The following GRK5 variants were observed in gnomAD, a reference collection of about 807,000 sequenced individuals.
GRK5 encodes the protein G protein-coupled receptor kinase 5.
Under a neutral mutation model 78.4 loss-of-function variants are expected in GRK5, and 40 were observed. That is an observed-to-expected ratio of 0.51 (90% confidence interval 0.40 to 0.66). The LOEUF (loss-of-function observed/expected upper bound fraction) is 0.66, where lower values mean the gene tolerates loss of function less well. Among genes scored for constraint, GRK5 ranks in the 30% least tolerant of loss-of-function variants. The probability of loss-of-function intolerance (pLI) is 0.00; values close to 1 mark genes in which losing one functional copy is unlikely to be tolerated. For missense variants in GRK5, 598 were observed against 759.9 expected (o/e 0.79, Z 2.50); for synonymous variants, 289 against 296.8 (o/e 0.97, Z 0.27).
chr10:119,409,108 GC>G (rs1314174681), intron 4 of GRK5, among the ~76,000 whole-genome samples: 4 of 152,308 alleles, frequency 2.6e-5, no homozygotes, highest in African/African-American at 9.6e-5. Context: ...GCCCTCCGGG[GC>G]CCAGCCCAGC....
chr10:119,452,518 C>G lies in GRK5; in HGVS notation c.1405-153C>G, dbSNP rs1853308425. The G allele has an allele frequency of 1.1e-6, 1 of 873,560 alleles. No homozygotes were observed. The highest frequency in any genetic ancestry group is 1.7e-6 in the Non-Finnish European group (1 of 581,210). The allele number at this position is 873,560 out of a possible 1,614,324, so 54.1% of individuals were successfully genotyped here. A position where few individuals can be genotyped will look rare whatever the true frequency, so the allele number is the denominator to read the frequency against. On this transcript the variant is annotated intron_variant, in intron 13 of 15. Transcript: ENST00000392870. This position sits in a 1 kb window ranked among gnomAD's most constrained non-coding sequence, Gnocchi z 4.4. ...ACCCCTCCCCTGGACTCACCTGCATCTGAGCCACACACCCTCCAGCCACTA... is the reference window on the plus strand; with the variant it reads ...ACCCCTCCCCTGGACTCACCTGCATGTGAGCCACACACCCTCCAGCCACTA...
chr10:119,335,129 C>CCTCTCCCTCTCTCTCT (rs1850852579), intron 2 of GRK5: 1 of 9,872 alleles, frequency 1.0e-4, no homozygotes, highest in African/African-American at 4.3e-4. Flanking sequence ...GCCTGCCTTG[C>CCTCTCCCTCTCTCTCT]CTCTCTCTCT....
At chr10:119,345,120 A>G (rs1177505328) in intron 2 of GRK5, among the ~76,000 whole-genome samples, 1 of 151,726 alleles carries the variant, frequency 6.6e-6, no homozygotes, top group Admixed American at 6.6e-5. Context: ...AGGCGCCCAC[A>G]ACCACGCCTG....
chr10:119,428,257 C>T (rs11593107), intron 6 of GRK5, among the ~76,000 whole-genome samples: 83,373 of 152,120 alleles, frequency 0.55, 23,205 homozygotes, highest in Admixed American at 0.64. Flanking sequence ...GCTAGGGCCT[C>T]GGGCAACTCA....
In GRK5 at chr10:119,430,576, G is replaced by C. The variant is rs1223847315; in HGVS notation, c.597+138G>C. The C allele has an allele frequency of 1.5e-6, 1 of 670,252 alleles. No homozygotes were observed. Among genetic ancestry groups the C allele is most frequent in the South Asian group, 1.8e-5 (1 of 54,394 alleles). 41.5% of individuals were successfully genotyped at this position (670,252 alleles called of 1,614,324 possible). On this transcript the variant is annotated intron_variant, in intron 7 of 15. Coordinates refer to ENST00000392870, the MANE Select transcript of GRK5 (RefSeq NM_005308.3). The surrounding 1 kb of genome is among the most constrained non-coding windows in gnomAD (Gnocchi z 4.5). Reference sequence around the variant, plus strand: ...GCTCAATGTGGGCCCCGGGGGCAGTGAGGGTGGGAGAGAGTCAGTGGCCTT... The same window carrying C: ...GCTCAATGTGGGCCCCGGGGGCAGTCAGGGTGGGAGAGAGTCAGTGGCCTT...
At chr10:119,221,313 A>G (rs1304383043) in intron 1 of GRK5, among the ~76,000 whole-genome samples, 1 of 152,220 alleles carries the variant, frequency 6.6e-6, no homozygotes, top group Non-Finnish European at 1.5e-5. Flanking sequence ...ATCTAGATAG[A>G]ACTTTACACA....
At chr10:119,262,559 ATC>A (rs1475980641) in intron 1 of GRK5, among the ~76,000 whole-genome samples, 1 of 151,768 alleles carries the variant, frequency 6.6e-6, no homozygotes, top group Non-Finnish European at 1.5e-5. Context: ...GGCCAGGCTG[ATC>A]TCGAACTCCT....
rs1349531664 is a variant in GRK5, at chr10:119,392,370, A to G, written c.262-4325A>G. 2.6e-5 allele frequency among the ~76,000 whole-genome samples: 4 copies of G among 152,164 alleles called. No homozygotes were observed. The South Asian group carries it at 8.3e-4, about 31-fold the overall frequency. Reference sequence around the variant, plus strand: ...TCTTCCCTGTTGGCACCTGGCACGTATCTGGATTATGGATTGTCATGGGTG... The same window carrying G: ...TCTTCCCTGTTGGCACCTGGCACGTGTCTGGATTATGGATTGTCATGGGTG... On this transcript the variant is annotated intron_variant, in intron 3 of 15. Coordinates refer to ENST00000392870, the MANE Select transcript of GRK5 (RefSeq NM_005308.3).
Position 119,267,604 on chromosome 10 carries a change from G to A in GRK5, c.53-58912G>A, listed in dbSNP as rs1849521438. Among the ~76,000 whole-genome samples the A allele has an allele frequency of 6.6e-6, 1 of 152,168 alleles. No homozygotes were observed. On this transcript the variant is annotated intron_variant, in intron 1 of 15. Transcript: ENST00000392870. The surrounding 1 kb of genome is among the most constrained non-coding windows in gnomAD (Gnocchi z 4.1). Reference sequence around the variant, plus strand: ...GCCCTGTTTTAGGGATTGAGGACATGGCAGGTAGATAGGCAATAAAAGCAC... The same window carrying A: ...GCCCTGTTTTAGGGATTGAGGACATAGCAGGTAGATAGGCAATAAAAGCAC...
At chr10:119,409,615 C>A (rs1175609964) in intron 4 of GRK5, among the ~76,000 whole-genome samples, 1 of 152,160 alleles carries the variant, frequency 6.6e-6, no homozygotes, top group Non-Finnish European at 1.5e-5. Flanking sequence ...GGCAGGCCCT[C>A]CCCATCCGTG....
At chr10:119,382,033 G>C (rs1851718396) in intron 3 of GRK5, among the ~76,000 whole-genome samples, 1 of 152,100 alleles carries the variant, frequency 6.6e-6, no homozygotes. Context: ...TACCAGCCCT[G>C]AGACATTACC....
In GRK5 at chr10:119,431,501, C is replaced by T. The variant is rs767270791; in HGVS notation, c.712C>T (p.Leu238Phe). ...CATGGCCCTCAATGAGAAGCAGATC[C>T]TCGAGAAGGTCAACAGTCAGTTTGT... ...ESMALNEKQI[L>F]EKVNSQFVVN... is the part of the protein sequence containing the mutation. Residue 238 changes from leucine (L) to phenylalanine (F), a missense_variant, in exon 8 of 16, where the codon CTC becomes TTC. Coordinates refer to ENST00000392870, the MANE Select transcript of GRK5 (RefSeq NM_005308.3). The surrounding 1 kb of genome is among the most constrained non-coding windows in gnomAD (Gnocchi z 4.8). 2.5e-6 allele frequency: 4 copies of T among 1,613,770 alleles called. No homozygotes were observed. Among genetic ancestry groups the T allele is most frequent in the Non-Finnish European group, 3.4e-6 (4 of 1,179,820 alleles).
chr10:119,431,445 A>G lies in GRK5; in HGVS notation c.656A>G (p.Lys219Arg). Residue 219 changes from lysine to arginine, a missense_variant, in exon 8 of 16, where the codon AAG becomes AGG. Coordinates refer to ENST00000392870, the MANE Select transcript of GRK5 (RefSeq NM_005308.3). This position sits in a 1 kb window ranked among gnomAD's most constrained non-coding sequence, Gnocchi z 4.8. ...ATGTATGCCTGCAAGCGCTTGGAGAAGAAGAGGATCAAAAAGAGGAAAGGG... is the reference window on the plus strand; with the variant it reads ...ATGTATGCCTGCAAGCGCTTGGAGAGGAAGAGGATCAAAAAGAGGAAAGGG... ...GKMYACKRLEKKRIKKRKGES... is the reference protein window; with the variant it reads ...GKMYACKRLERKRIKKRKGES... 6.2e-7 allele frequency: 1 copy of G among 1,614,072 alleles called. No homozygotes were observed. The highest frequency in any genetic ancestry group is 8.5e-7 in the Non-Finnish European group (1 of 1,179,952).
At chr10:119,282,304 C>T (rs1171618393) in intron 1 of GRK5, among the ~76,000 whole-genome samples, 2 of 152,228 alleles carry the variant, frequency 1.3e-5, no homozygotes, top group Non-Finnish European at 2.9e-5. Context: ...CCCAGGTCTT[C>T]ACCAGGCCAG....
At chr10:119,401,407 C>T (rs1490418771) in intron 4 of GRK5, among the ~76,000 whole-genome samples, 1 of 152,192 alleles carries the variant, frequency 6.6e-6, no homozygotes, top group Non-Finnish European at 1.5e-5. Flanking sequence ...TACAGGGCAA[C>T]AGCCAAGGGT....
chr10:119,285,413 G>C (rs1482803126), intron 1 of GRK5, among the ~76,000 whole-genome samples: 1 of 152,222 alleles, frequency 6.6e-6, no homozygotes, highest in East Asian at 1.9e-4. Flanking sequence ...GCAGAGATTG[G>C]AGGAATCTGT....
intron 1 of GRK5, among the ~76,000 whole-genome samples, chr10:119,280,027 A>G (rs537481393): frequency 4.6e-5 from 7 of 152,246 alleles, no homozygotes; most frequent in African/African-American, 1.7e-4. Context: ...CACTGGGGCC[A>G]GAATGGGAAG....
chr10:119,392,883 A>C (rs1851907856), intron 3 of GRK5, among the ~76,000 whole-genome samples: 1 of 152,166 alleles, frequency 6.6e-6, no homozygotes, highest in Non-Finnish European at 1.5e-5. Context: ...CCCAAGCTAC[A>C]TCTAATTGTA....
intron 2 of GRK5, among the ~76,000 whole-genome samples, chr10:119,352,827 A>T (rs1205840733): frequency 6.6e-6 from 1 of 152,044 alleles, no homozygotes; most frequent in Non-Finnish European, 1.5e-5. Context: ...CGAATCCTGG[A>T]TTGGTGTCAT....
Sources: gnomAD v4.1 joint callset for allele counts (sites outside exome capture counted in the v4.1 genomes callset) on GRCh38, gnomAD v4.1.1 for gene constraint, Gnocchi (gnomAD v3.1) non-coding constraint, MANE v1.5 for transcripts, NCBI Gene and HGNC (gene_info 2026-07-23, HGNC 2026-07-21) for gene names.